CSMD1: variants seen among roughly 807,000 people sequenced by gnomAD.
The protein encoded by CSMD1 is CUB and sushi domain-containing protein 1.
A neutral mutation model predicts 417.5 loss-of-function variants in CSMD1; 213 were observed. The ratio of observed to expected loss-of-function variants is 0.51; its 90% confidence interval spans 0.46 to 0.57. The LOEUF is 0.57. Ranked by LOEUF, CSMD1 falls within the 20% of genes least tolerant of loss-of-function variation. CSMD1 has a pLI of 0.00. For synonymous variants in CSMD1, 2,862 were observed against 1,736.8 expected, an observed-to-expected ratio of 1.65 and a Z score of -16.11; for missense variants, 6,923 against 4,529.7, an observed-to-expected ratio of 1.53 and a Z score of -15.17.
intron 3 of CSMD1, among the ~76,000 whole-genome samples, chr8:4,109,347 T>A (rs113487785): frequency 6.6e-6 from 1 of 152,146 alleles, no homozygotes; most frequent in African/African-American, 2.4e-5. Context: ...TTTTCACGAA[T>A]AAAATCTTAT....
At chr8:4,500,113 G>C (rs1264398148) in intron 2 of CSMD1, among the ~76,000 whole-genome samples, 1 of 151,658 alleles carries the variant, frequency 6.6e-6, no homozygotes, top group Non-Finnish European at 1.5e-5. Context: ...AAAGAGGCTG[G>C]GAGAATACAA....
At chr8:4,487,209 A>G (rs1801461118) in intron 2 of CSMD1, among the ~76,000 whole-genome samples, 1 of 152,098 alleles carries the variant, frequency 6.6e-6, no homozygotes, top group African/African-American at 2.4e-5. Context: ...TTTAGGGTAC[A>G]TGTGCACAAT....
chr8:4,968,680 T>A (rs17071958), intron 1 of CSMD1, among the ~76,000 whole-genome samples: 22,602 of 152,098 alleles, frequency 0.15, 1,872 homozygotes, highest in East Asian at 0.34. Context: ...CTTAGCTATC[T>A]CTGCTTTCAA....
At chr8:4,932,858 C>G (rs1807335372) in intron 1 of CSMD1, among the ~76,000 whole-genome samples, 1 of 152,156 alleles carries the variant, frequency 6.6e-6, no homozygotes, top group South Asian at 2.1e-4. Flanking sequence ...CTGTCGACGC[C>G]TCAAACATAG....
chr8:4,745,004 C>T (rs1306705862), intron 1 of CSMD1, among the ~76,000 whole-genome samples: 1 of 152,062 alleles, frequency 6.6e-6, no homozygotes, highest in Non-Finnish European at 1.5e-5. Context: ...AAACATCAAC[C>T]TATCATAATA....
chr8:3,983,347 G>C (rs1395289410), intron 5 of CSMD1, among the ~76,000 whole-genome samples: 1 of 151,934 alleles, frequency 6.6e-6, no homozygotes, highest in Non-Finnish European at 1.5e-5. Context: ...GGCCAGGATG[G>C]TCTCCATCTC....
chr8:3,491,898 G>A (rs1532580), intron 11 of CSMD1, among the ~76,000 whole-genome samples: 81,687 of 152,062 alleles, frequency 0.54, 22,281 homozygotes, highest in Non-Finnish European at 0.58. Context: ...GAGACAGAAT[G>A]AGAGTTTAAA....
chr8:4,188,196 A>T (rs1798797018), intron 3 of CSMD1, among the ~76,000 whole-genome samples: 1 of 152,094 alleles, frequency 6.6e-6, no homozygotes, highest in African/African-American at 2.4e-5. Flanking sequence ...TTTTGGCAGG[A>T]AGGGACAATT....
chr8:4,783,033 T>A (rs1797228994), intron 1 of CSMD1, among the ~76,000 whole-genome samples: 1 of 151,948 alleles, frequency 6.6e-6, no homozygotes, highest in African/African-American at 2.4e-5. Flanking sequence ...AATGGTAGCA[T>A]TAACTCTATA....
At chr8:3,579,801 A>G (rs994975846) in intron 9 of CSMD1, among the ~76,000 whole-genome samples, 1 of 152,240 alleles carries the variant, frequency 6.6e-6, no homozygotes, top group Non-Finnish European at 1.5e-5. Flanking sequence ...CATTTACTAC[A>G]TGGCCTGACA....
chr8:4,590,169 C>T (rs1447123694), intron 2 of CSMD1, among the ~76,000 whole-genome samples: 1 of 150,208 alleles, frequency 6.7e-6, no homozygotes, highest in Non-Finnish European at 1.5e-5. Flanking sequence ...ATTCTTTATG[C>T]TGTTTTTTTT....
intron 8 of CSMD1, among the ~76,000 whole-genome samples, chr8:3,590,425 T>A (rs1338854061): frequency 4.6e-5 from 7 of 152,146 alleles, no homozygotes; most frequent in African/African-American, 1.7e-4. Context: ...CTCTTACTCT[T>A]CTCAGATTTC....
intron 3 of CSMD1, among the ~76,000 whole-genome samples, chr8:4,109,381 A>C (rs1184535479): frequency 6.6e-6 from 1 of 152,180 alleles, no homozygotes; most frequent in Non-Finnish European, 1.5e-5. Context: ...TGGGCATATA[A>C]TATAGTGACC....
chr8:4,851,434 C>A (rs1801475314), intron 1 of CSMD1, among the ~76,000 whole-genome samples: 1 of 151,934 alleles, frequency 6.6e-6, no homozygotes, highest in Non-Finnish European at 1.5e-5. Flanking sequence ...TCGTCAATTT[C>A]TTAAATTCTT....
intron 1 of CSMD1, among the ~76,000 whole-genome samples, chr8:4,885,055 C>G (rs1803649448): frequency 6.6e-6 from 1 of 151,950 alleles, no homozygotes; most frequent in African/African-American, 2.4e-5. Flanking sequence ...TAAATTTGAA[C>G]TTCTTTGTTA....
intron 1 of CSMD1, among the ~76,000 whole-genome samples, chr8:4,910,399 G>A (rs1036743929): frequency 6.6e-6 from 1 of 152,154 alleles, no homozygotes; most frequent in Non-Finnish European, 1.5e-5. Context: ...ATAAACAATA[G>A]AAATTTATTT....
At chr8:3,411,270 G>C (rs1040311685) in intron 12 of CSMD1, among the ~76,000 whole-genome samples, 4 of 152,182 alleles carry the variant, frequency 2.6e-5, no homozygotes, top group Non-Finnish European at 4.4e-5. Flanking sequence ...TTTACTTTTA[G>C]AATTCTTCAT....
chr8:3,759,095 T>C (rs1797841365), intron 5 of CSMD1, among the ~76,000 whole-genome samples: 1 of 152,248 alleles, frequency 6.6e-6, no homozygotes, highest in African/African-American at 2.4e-5. Flanking sequence ...GTGAGATTTC[T>C]AATCTATTTA....
At chr8:4,571,479 T>C (rs1798891629) in intron 2 of CSMD1, among the ~76,000 whole-genome samples, 1 of 152,236 alleles carries the variant, frequency 6.6e-6, no homozygotes, top group Admixed American at 6.5e-5. Flanking sequence ...TCCTGAGTTC[T>C]AATTTGATTG....
Sources: allele counts gnomAD v4.1 joint callset (sites outside exome capture counted in the v4.1 genomes callset), GRCh38; gene constraint gnomAD v4.1.1; transcripts MANE v1.5; gene names NCBI Gene and HGNC (gene_info 2026-07-23, HGNC 2026-07-21).